Variants in FGR observed in about 807,000 individuals in gnomAD.
FGR encodes FGR proto-oncogene, Src family tyrosine kinase.
A neutral mutation model predicts 63.2 loss-of-function variants in FGR; 26 were observed. That is an observed-to-expected ratio of 0.41 (90% CI 0.30 to 0.57). The LOEUF is 0.57. Ranked by LOEUF, FGR falls within the 20% of genes least tolerant of loss-of-function variation. The pLI is 0.27. For synonymous variants in FGR, 286 were observed against 277.7 expected, an observed-to-expected ratio of 1.03 and a Z score of -0.30; for missense variants, 511 against 690.8, an observed-to-expected ratio of 0.74 and a Z score of 2.92.
At chr1:27,628,324 G>T (rs2090055190) in intron 1 of FGR, among the ~76,000 whole-genome samples, 1 of 152,026 alleles carries the variant, frequency 6.6e-6, no homozygotes, top group Non-Finnish European at 1.5e-5. Flanking sequence ...CTCCAGCCTG[G>T]GCAGCATAGT....
rs767657750 is a variant in FGR, at chr1:27,613,337, G to A, written c.1263C>T (p.Pro421=). The A allele has an allele frequency of 1.1e-5, 18 of 1,613,824 alleles. No homozygotes were observed. The Admixed American group carries it at 2.3e-4, about 21-fold the overall frequency. ...EYNPCQGSKF[P]IKWTAPEAAL... Reference sequence around the variant, plus strand: ...CAGCTTCTGGGGCTGTCCACTTGATGGGGAACTTGGAACCTGGAGAAGATG... The same window carrying A: ...CAGCTTCTGGGGCTGTCCACTTGATAGGGAACTTGGAACCTGGAGAAGATG... Residue 421 remains proline (P), a synonymous_variant, in exon 12 of 13, where the codon CCC becomes CCT. Transcript: ENST00000374005.
chr1:27,614,862 G>A lies in FGR; in HGVS notation c.1083C>T (p.Asp361=), dbSNP rs2148523847. 1 of 1,592,512 alleles carries A rather than the reference G, an allele frequency of 6.3e-7. No individual in the cohort carries two copies. The highest frequency in any genetic ancestry group is 1.3e-5 in the African/African-American group (1 of 74,508). ...GQDLRLPQLV[D]MAAQVAEGMA... is the part of the protein sequence containing the mutation. ...CTGGCCCAGTTACCTGGGCTGCCATGTCCACCAATTGGGGCAGCCTCAAAT... is the reference window on the plus strand; with the variant it reads ...CTGGCCCAGTTACCTGGGCTGCCATATCCACCAATTGGGGCAGCCTCAAAT... The change falls in exon 10 of 13, where the codon GAC becomes GAT. Residue 361 remains aspartate, a synonymous_variant. Transcript: ENST00000374005.
At chr1:27,633,500 C>T (rs6658795) in intron 1 of FGR, among the ~76,000 whole-genome samples, 8,003 of 152,318 alleles carry the variant, frequency 0.053, 717 homozygotes, top group East Asian at 0.31. Context: ...TATTTAGACG[C>T]CAACTGTGTG....
rs1435841625 is a variant in FGR, at chr1:27,615,750, G to A, written c.777C>T (p.Ser259=). The stretch of plus-strand genomic sequence containing the variant: ...GGCGCTCCAGCGTGATGGAGCTGCG[G>A]CTGATCTCCCAGGCGTCCTTGGCCA... ...LGLAKDAWEI[S]RSSITLERRL... The change falls in exon 8 of 13, where the codon AGC becomes AGT. Residue 259 remains serine, a synonymous_variant. Transcript: ENST00000374005. This position sits in a 1 kb window ranked among gnomAD's most constrained non-coding sequence, Gnocchi z 7.6. 1 of 1,608,634 alleles carries A rather than the reference G, an allele frequency of 6.2e-7. No individual in the cohort carries two copies. The highest frequency in any genetic ancestry group is 8.5e-7 in the Non-Finnish European group (1 of 1,177,526).
Position 27,612,978 on chromosome 1 carries a change from T to C in FGR, c.1526A>G (p.Gln509Arg), listed in dbSNP as rs2089723588. Residue 509 changes from glutamine (Q) to arginine (R), a missense_variant, in exon 13 of 13, where the codon CAG (glutamine) becomes CGG (arginine). Gln to Arg is a conservative substitution (Grantham distance 43). Coordinates refer to ENST00000374005, the MANE Select transcript of FGR (RefSeq NM_005248.3). ...GGTGAAGTAGTCCTCCAGGAAGGAC[T>C]GCAGGTACTCGAAGGTAGGCCTCTC... Reference protein sequence around the residue: ...PEERPTFEYLQSFLEDYFTSA... With the variant: ...PEERPTFEYLRSFLEDYFTSA... The C allele has an allele frequency of 6.2e-7, 1 of 1,614,208 alleles. No individual in the cohort carries two copies. The highest frequency in any genetic ancestry group is 1.3e-5 in the African/African-American group (1 of 75,068).
Position 27,617,953 on chromosome 1 carries a change from A to G in FGR, c.429-657T>C, listed in dbSNP as rs1313227322. Among the ~76,000 whole-genome samples, 1 of 152,212 alleles carries G rather than the reference A, an allele frequency of 6.6e-6. No individual in the cohort carries two copies. Among genetic ancestry groups the G allele is most frequent in the Admixed American group, 6.5e-5 (1 of 15,282 alleles). ...CTTTCTGGGATTGAACCGTAGCCCT[A>G]AACCAACTGTGCAGGTACAATGGGG... On this transcript the variant is annotated intron_variant, in intron 5 of 12. Coordinates refer to ENST00000374005, the MANE Select transcript of FGR (RefSeq NM_005248.3). This position sits in a 1 kb window ranked among gnomAD's most constrained non-coding sequence, Gnocchi z 4.5.
At chr1:27,626,022 G>A in intron 1 of FGR, 2 of 398,880 alleles carry the variant, frequency 5.0e-6, no homozygotes, top group Non-Finnish European at 8.8e-6. Flanking sequence ...TCCATGTGGT[G>A]GCTGAGTGAG....
chr1:27,617,079 A>G lies in FGR; in HGVS notation c.533-73T>C. 1 of 1,606,050 alleles carries G rather than the reference A, an allele frequency of 6.2e-7. No individual in the cohort carries two copies. Among genetic ancestry groups the G allele is most frequent in the Non-Finnish European group, 8.5e-7 (1 of 1,174,250 alleles). On this transcript the variant is annotated intron_variant, in intron 6 of 12. Transcript: ENST00000374005. This position sits in a 1 kb window ranked among gnomAD's most constrained non-coding sequence, Gnocchi z 4.5. The stretch of plus-strand genomic sequence containing the variant: ...TGGGAGCTGGGAGAGGCCCGACAGC[A>G]GCATCCCTAGGACCTGGTCCCAGTC...
intron 1 of FGR, among the ~76,000 whole-genome samples, chr1:27,628,186 CA>C (rs1368295767): frequency 2.1e-5 from 3 of 141,890 alleles, no homozygotes; most frequent in Non-Finnish European, 3.1e-5. Context: ...AAAAAAAAAA[CA>C]AAAAAAAACC....
At chr1:27,629,452 C>T (rs1287046334) in intron 1 of FGR, among the ~76,000 whole-genome samples, 1 of 150,312 alleles carries the variant, frequency 6.7e-6, no homozygotes, top group Non-Finnish European at 1.5e-5. Flanking sequence ...AAAGAGTAAT[C>T]AAGAGACAGA....
chr1:27,615,364 G>C lies in FGR; in HGVS notation c.1018+70C>G. The C allele has an allele frequency of 6.6e-7, 1 of 1,514,104 alleles. No homozygotes were observed. The allele number at this position is 1,514,104 out of a possible 1,614,324, so 93.8% of individuals were successfully genotyped here. A position where few individuals can be genotyped will look rare whatever the true frequency, so the allele number is the denominator to read the frequency against. ...CTTGTCCCTCACAGATCGCGTCCCA[G>C]GTCCCACGCCTGAAAACTCCCCTCT... On this transcript the variant is annotated intron_variant, in intron 9 of 12. Transcript: ENST00000374005. This position sits in a 1 kb window ranked among gnomAD's most constrained non-coding sequence, Gnocchi z 7.6.
intron 1 of FGR, among the ~76,000 whole-genome samples, chr1:27,630,331 G>A (rs2090088259): frequency 6.6e-6 from 1 of 152,184 alleles, no homozygotes; most frequent in South Asian, 2.1e-4. Flanking sequence ...GGGATTACAG[G>A]CATGAGCCAC....
chr1:27,633,504 C>G (rs2090135695), intron 1 of FGR, among the ~76,000 whole-genome samples: 1 of 152,230 alleles, frequency 6.6e-6, no homozygotes, highest in African/African-American at 2.4e-5. Context: ...TAGACGCCAA[C>G]TGTGTGCTGG....
chr1:27,623,949 T>C lies in FGR; in HGVS notation c.-13-20A>G. ...TCCCTGCTACAGAATGGGGCATGCC[T>C]CACTCAAGGACCCCTGCCAGGTGCA... On this transcript the variant is annotated intron_variant, in intron 2 of 12. Coordinates refer to ENST00000374005, the MANE Select transcript of FGR (RefSeq NM_005248.3). 2.6e-6 allele frequency: 4 copies of C among 1,548,664 alleles called. No homozygotes were observed. Among genetic ancestry groups the C allele is most frequent in the Non-Finnish European group, 3.5e-6 (4 of 1,142,996 alleles).
At position 27,613,209 on chromosome 1, in the gene FGR, C is replaced by T. The variant is rs773022417; in HGVS notation, c.1381+10G>A. 36 of 1,612,032 alleles carry T rather than the reference C, an allele frequency of 2.2e-5. No individual in the cohort carries two copies. Among genetic ancestry groups the T allele is most frequent in the African/African-American group, 8.0e-5 (6 of 74,888 alleles). ...TCCCCCACCCCAGCCCTACCCCTGG[C>T]GAGGCAAACCTGGGTAGGGGATTCG... On this transcript the variant is annotated intron_variant, in intron 12 of 12. Transcript: ENST00000374005.
chr1:27,620,991 C>CAAAAAAAAAAAGAAAAAAAAAA (rs2089910359), intron 5 of FGR, among the ~76,000 whole-genome samples: 1 of 22,020 alleles, frequency 4.5e-5, no homozygotes, highest in African/African-American at 1.1e-4. Context: ...GACCCTGTCT[C>CAAAAAAAAAAAGAAAAAAAAAA]AAAAAAAAAA....
At position 27,617,416 on chromosome 1, in the gene FGR, A is replaced by G; in HGVS notation, c.429-120T>C. ...CCCATGTGTAAAATGGGGCTGGTAC[A>G]CCTGCTTCACATCCTGGCTGGGAGG... On this transcript the variant is annotated intron_variant, in intron 5 of 12. Coordinates refer to ENST00000374005, the MANE Select transcript of FGR (RefSeq NM_005248.3). The surrounding 1 kb of genome is among the most constrained non-coding windows in gnomAD (Gnocchi z 4.5). The G allele has an allele frequency of 4.4e-6, 3 of 685,350 alleles. No individual in the cohort carries two copies. The highest frequency in any genetic ancestry group is 7.8e-6 in the Non-Finnish European group (3 of 383,784). The allele number at this position is 685,350 out of a possible 1,614,324, so 42.5% of individuals were successfully genotyped here. A position where few individuals can be genotyped will look rare whatever the true frequency, so the allele number is the denominator to read the frequency against.
chr1:27,623,245 C>A, intron 3 of FGR, 101 bp from the exon 4 acceptor site: 1 of 829,646 alleles, frequency 1.2e-6, no homozygotes, highest in Non-Finnish European at 2.0e-6. Context: ...TGCACCTCCC[C>A]ACTCCTTTAG....
chr1:27,621,774 A>C (rs1571393306), intron 4 of FGR, 117 bp from the exon 5 acceptor site: 11 of 708,590 alleles, frequency 1.6e-5, no homozygotes, highest in Non-Finnish European at 1.5e-5. Flanking sequence ...CATCTTGGAC[A>C]CCCCCCACCA....
Sources: gnomAD v4.1 joint callset for allele counts (sites outside exome capture counted in the v4.1 genomes callset) on GRCh38, gnomAD v4.1.1 for gene constraint, Gnocchi (gnomAD v3.1) non-coding constraint, MANE v1.5 for transcripts, NCBI Gene and HGNC (gene_info 2026-07-23, HGNC 2026-07-21) for gene names.